The following ADGRB1 variants were observed in gnomAD, a reference collection of about 807,000 sequenced individuals.
ADGRB1 encodes adhesion G protein-coupled receptor B1.
In ADGRB1, 36 loss-of-function variants were observed where a neutral mutation model predicts 175.7. The ratio of observed to expected loss-of-function variants is 0.20; its 90% CI spans 0.16 to 0.27. The LOEUF is 0.27. Ranked by LOEUF, ADGRB1 falls within the 10% of genes least tolerant of loss-of-function variation. The pLI is 1.00. For missense variants in ADGRB1, 1,731 were observed against 2,255.3 expected, an observed-to-expected ratio of 0.77 and a Z score of 4.71; for synonymous variants, 1,054 against 979.4, an observed-to-expected ratio of 1.08 and a Z score of -1.42.
At chr8:142,454,563 C>T (rs1839548448) in intron 1 of ADGRB1, among the ~76,000 whole-genome samples, 1 of 152,154 alleles carries the variant, frequency 6.6e-6, no homozygotes, top group African/African-American at 2.4e-5. Context: ...TGTTCATGTC[C>T]AGGGATGGGG....
chr8:142,462,246 C>T lies in ADGRB1; in HGVS notation c.-219-1734C>T, dbSNP rs567957101. Among the ~76,000 whole-genome samples, 3 of 152,326 alleles carry T rather than the reference C, an allele frequency of 2.0e-5. No individual in the cohort carries two copies. The South Asian group carries it at 6.2e-4, about 32-fold the overall frequency. On this transcript the variant is annotated intron_variant, in intron 1 of 30. Transcript: ENST00000517894. ...TTGCCAGGAATGAGACCACAGAGGGCCAGGTTGGGCCATGTCTGTTCCCAG... is the reference window on the plus strand; with the variant it reads ...TTGCCAGGAATGAGACCACAGAGGGTCAGGTTGGGCCATGTCTGTTCCCAG...
intron 18 of ADGRB1, among the ~76,000 whole-genome samples, chr8:142,512,148 AG>A (rs1843142404): frequency 6.6e-6 from 1 of 152,246 alleles, no homozygotes; most frequent in African/African-American, 2.4e-5. Context: ...CTCTGTTGAC[AG>A]GCAGGGAGAC....
intron 1 of ADGRB1, among the ~76,000 whole-genome samples, chr8:142,452,593 T>G (rs1291011273): frequency 6.6e-6 from 1 of 152,074 alleles, no homozygotes; most frequent in African/African-American, 2.4e-5. Flanking sequence ...TCCGCACTTG[T>G]CCCGAGATCC....
chr8:142,509,083 TCC>T (rs144006859), intron 17 of ADGRB1, among the ~76,000 whole-genome samples: 4 of 152,156 alleles, frequency 2.6e-5, no homozygotes, highest in Admixed American at 1.3e-4. Flanking sequence ...CTCACGGGTC[TCC>T]CCCGCCAGCC....
chr8:142,489,024 C>G lies in ADGRB1; in HGVS notation c.2453-11C>G. On this transcript the variant is annotated splice_polypyrimidine_tract_variant and intron_variant, in intron 14 of 30. Coordinates refer to ENST00000517894, the MANE Select transcript of ADGRB1 (RefSeq NM_001702.3). Reference sequence around the variant, plus strand: ...ATGGCGGGCCGGGGTTGACAGTGCACTTTCTTCCAGAGGCCGATGAAGCAT... The same window carrying G: ...ATGGCGGGCCGGGGTTGACAGTGCAGTTTCTTCCAGAGGCCGATGAAGCAT... The G allele has an allele frequency of 6.2e-7, 1 of 1,611,122 alleles. No individual in the cohort carries two copies. The highest frequency in any genetic ancestry group is 1.1e-5 in the South Asian group (1 of 90,636).
At chr8:142,456,675 C>T (rs952597182) in intron 1 of ADGRB1, among the ~76,000 whole-genome samples, 8 of 152,258 alleles carry the variant, frequency 5.3e-5, no homozygotes, top group African/African-American at 1.9e-4. Flanking sequence ...CTACTCTCTC[C>T]CTCGGTCTCG....
At chr8:142,505,846 G>C (rs1842822141) in intron 17 of ADGRB1, among the ~76,000 whole-genome samples, 1 of 152,208 alleles carries the variant, frequency 6.6e-6, no homozygotes. Flanking sequence ...GGTGGGCACT[G>C]TGGGGCTCTC....
At chr8:142,476,526 C>CAG in intron 3 of ADGRB1, 59 bp from the exon 4 acceptor site, 1 of 1,475,286 alleles carries the variant, frequency 6.8e-7, no homozygotes, top group Non-Finnish European at 9.2e-7. Flanking sequence ...ACTGTGGCCA[C>CAG]AGAGAGAGAG....
chr8:142,460,818 G>C lies in ADGRB1; in HGVS notation c.-219-3162G>C, dbSNP rs116476143. Reference sequence around the variant, plus strand: ...GGGGCCTCCCCCTTCCACCTCCTGAGCACTCTCCTTCCCCATGGCCACTCC... The same window carrying C: ...GGGGCCTCCCCCTTCCACCTCCTGACCACTCTCCTTCCCCATGGCCACTCC... On this transcript the variant is annotated intron_variant, in intron 1 of 30. Coordinates refer to ENST00000517894, the MANE Select transcript of ADGRB1 (RefSeq NM_001702.3). 8.4e-3 allele frequency among the ~76,000 whole-genome samples: 1,285 copies of C among 152,244 alleles called. 18 individuals are homozygous for C. The highest frequency in any genetic ancestry group is 0.029 in the African/African-American group (1,213 of 41,542).
intron 17 of ADGRB1, among the ~76,000 whole-genome samples, chr8:142,499,219 T>C (rs973975133): frequency 5.3e-5 from 8 of 152,128 alleles, no homozygotes; most frequent in African/African-American, 1.9e-4. Flanking sequence ...TGGGTGACTT[T>C]CTCCAGCCCC....
At chr8:142,532,085 C>T (rs1216566858) in intron 24 of ADGRB1, among the ~76,000 whole-genome samples, 1 of 152,170 alleles carries the variant, frequency 6.6e-6, no homozygotes, top group African/African-American at 2.4e-5. Flanking sequence ...GCATTCTGAC[C>T]GCACACCTGG....
Position 142,510,585 on chromosome 8 carries a change from G to A in ADGRB1, c.2676-347G>A, listed in dbSNP as rs1843037761. Among the ~76,000 whole-genome samples, 1 of 147,310 alleles carries A rather than the reference G, an allele frequency of 6.8e-6. No homozygotes were observed. The highest frequency in any genetic ancestry group is 6.7e-5 in the Admixed American group (1 of 14,850). On this transcript the variant is annotated intron_variant, in intron 17 of 30. Coordinates refer to ENST00000517894, the MANE Select transcript of ADGRB1 (RefSeq NM_001702.3). This position sits in a 1 kb window ranked among gnomAD's most constrained non-coding sequence, Gnocchi z 6.3. Reference sequence around the variant, plus strand: ...GCGGGCCGGGGGCGCGGGCCCCGGAGGAGCTGGGGGCGGCGGGGGCGCGGG... The same window carrying A: ...GCGGGCCGGGGGCGCGGGCCCCGGAAGAGCTGGGGGCGGCGGGGGCGCGGG...
At chr8:142,532,759 G>T (rs539642976) in intron 24 of ADGRB1, among the ~76,000 whole-genome samples, 1 of 151,994 alleles carries the variant, frequency 6.6e-6, no homozygotes, top group South Asian at 2.1e-4. Context: ...TGGACCCCTC[G>T]CCTGGGGCCT....
chr8:142,533,739 A>G (rs147816715), intron 25 of ADGRB1, among the ~76,000 whole-genome samples: 1,643 of 152,244 alleles, frequency 0.011, 21 homozygotes, highest in African/African-American at 0.037. Context: ...ACGAAAGCAC[A>G]TGGGGCCCCC....
In ADGRB1 at chr8:142,504,029, G is replaced by A. The variant is rs1842744922; in HGVS notation, c.2676-6903G>A. 6.6e-6 allele frequency among the ~76,000 whole-genome samples: 1 copy of A among 152,196 alleles called. No individual in the cohort carries two copies. The highest frequency in any genetic ancestry group is 1.5e-5 in the Non-Finnish European group (1 of 68,028). On this transcript the variant is annotated intron_variant, in intron 17 of 30. Transcript: ENST00000517894. The surrounding 1 kb of genome is among the most constrained non-coding windows in gnomAD (Gnocchi z 5.6). ...TAGACAGGGCACCAAGCCTGAGCAG[G>A]CTCCAGCGTCATCTGGCAAGCTGGG... is the stretch of plus-strand genomic sequence containing the variant.
At chr8:142,528,327 C>T (rs1844345681) in intron 24 of ADGRB1, among the ~76,000 whole-genome samples, 1 of 152,184 alleles carries the variant, frequency 6.6e-6, no homozygotes, top group Admixed American at 6.5e-5. Flanking sequence ...ACTACCTTCC[C>T]CCCATGCCTG....
At chr8:142,509,082 C>T (rs977722532) in intron 17 of ADGRB1, among the ~76,000 whole-genome samples, 11 of 151,852 alleles carry the variant, frequency 7.2e-5, no homozygotes, top group Non-Finnish European at 1.6e-4. Flanking sequence ...TCTCACGGGT[C>T]TCCCCCGCCA....
rs377651719 is a variant in ADGRB1, at chr8:142,539,423, C to T, written c.3706+10C>T. ...CTGGCCTGTAGATCAGGTGAGCGCC[C>T]GACAGGTGAGAGGACAGTGCCAGCC... On this transcript the variant is annotated intron_variant, in intron 27 of 30. Transcript: ENST00000517894. 3.8e-4 allele frequency: 601 copies of T among 1,600,882 alleles called. 3 individuals are homozygous for T. The Middle Eastern group carries it at 6.0e-3, about 16-fold the overall frequency.
rs376062430 is a variant in ADGRB1 at position 142,481,310 on chromosome 8, C to T, written c.1885C>T (p.Pro629Ser). The T allele has an allele frequency of 9.4e-5, 151 of 1,613,744 alleles. No homozygotes were observed. The highest frequency in any genetic ancestry group is 1.8e-5 in the Non-Finnish European group (21 of 1,179,884). ...GGAAGGCATCGCCTACTGGGAGCCC[C>T]CCACCTACATCCGCTGTGTTTCCAT... Reference protein sequence around the residue: ...DEEGIAYWEPPTYIRCVSIDY... With the variant: ...DEEGIAYWEPSTYIRCVSIDY... The change falls in exon 10 of 31, where the codon CCC becomes TCC. Residue 629 changes from proline to serine, a missense_variant. Pro to Ser is a moderately conservative substitution (Grantham distance 74). Coordinates refer to ENST00000517894, the MANE Select transcript of ADGRB1 (RefSeq NM_001702.3).
Sources: gnomAD v4.1 joint callset for allele counts (sites outside exome capture counted in the v4.1 genomes callset) on GRCh38, gnomAD v4.1.1 for gene constraint, Gnocchi (gnomAD v3.1) non-coding constraint, MANE v1.5 for transcripts, NCBI Gene and HGNC (gene_info 2026-07-23, HGNC 2026-07-21) for gene names.